The following ACSL3 variants were observed in gnomAD, a reference collection of about 807,000 sequenced individuals.
The protein encoded by ACSL3 is fatty acid CoA ligase Acsl3.
In ACSL3, 34 loss-of-function variants were observed where a neutral mutation model predicts 84.7. That is an observed-to-expected ratio of 0.40 (90% CI 0.31 to 0.53). ACSL3 has a LOEUF of 0.53. Among genes scored for constraint, ACSL3 ranks in the 20% least tolerant of loss-of-function variants. The pLI is 0.48. For synonymous variants in ACSL3, 315 were observed against 299.4 expected (o/e 1.05, Z -0.54); for missense variants, 680 against 873.1 (o/e 0.78, Z 2.79).
chr2:222,939,784 C>T (rs1356786493), intron 16 of ACSL3, among the ~76,000 whole-genome samples: 1 of 152,076 alleles, frequency 6.6e-6, no homozygotes, highest in Non-Finnish European at 1.5e-5. Context: ...AATAAATAGG[C>T]CCATATAGCA....
intron 2 of ACSL3, among the ~76,000 whole-genome samples, chr2:222,899,174 C>T (rs918910178): frequency 6.6e-6 from 1 of 152,068 alleles, no homozygotes; most frequent in Admixed American, 6.5e-5. Context: ...GATAGTTTAA[C>T]CTTTGGATAG....
In ACSL3 at chr2:222,943,113, A is replaced by G. The variant is rs1477867285; in HGVS notation, c.*1459A>G. 1.3e-5 allele frequency: 3 copies of G among 226,904 alleles called. No individual in the cohort carries two copies. Among genetic ancestry groups the G allele is most frequent in the African/African-American group, 2.2e-5 (1 of 44,974 alleles). The allele number at this position is 226,904 out of a possible 1,614,324, so 14.1% of individuals were successfully genotyped here. On this transcript the variant is annotated 3_prime_UTR_variant, in exon 17 of 17. Coordinates refer to ENST00000357430, the MANE Select transcript of ACSL3 (RefSeq NM_004457.5). Reference sequence around the variant, plus strand: ...AAAAAAAAAAAACAAAAACAAAAAAAAAGATGAACCTAGGTCTGTGTAAAG... The same window carrying G: ...AAAAAAAAAAAACAAAAACAAAAAAGAAGATGAACCTAGGTCTGTGTAAAG...
intron 1 of ACSL3, among the ~76,000 whole-genome samples, chr2:222,874,786 G>T (rs1229581552): frequency 6.6e-6 from 1 of 151,960 alleles, no homozygotes; most frequent in Non-Finnish European, 1.5e-5. Context: ...TCCTGCTGAA[G>T]GATTTGGAGA....
intron 12 of ACSL3, 73 bp downstream of exon 12, chr2:222,927,262 A>AAT: frequency 2.7e-6 from 4 of 1,505,368 alleles, no homozygotes; most frequent in African/African-American, 2.8e-5. Flanking sequence ...ATTTTCTGCA[A>AAT]ATATATAGGA....
rs143900821 is a variant in ACSL3 at position 222,907,552 on chromosome 2, G to A, written c.-40-1181G>A. 3.7e-3 allele frequency among the ~76,000 whole-genome samples: 566 copies of A among 152,184 alleles called. 7 individuals are homozygous for A. Among genetic ancestry groups the A allele is most frequent in the African/African-American group, 0.013 (538 of 41,520 alleles). ...CAGGTGGGAGAATTGCTTGAAGCCA[G>A]GAGTTTGAGACCAGCTGGGGCAGCA... On this transcript the variant is annotated intron_variant, in intron 3 of 16. Coordinates refer to ENST00000357430, the MANE Select transcript of ACSL3 (RefSeq NM_004457.5).
In ACSL3 at chr2:222,919,197, G is replaced by T. The variant is rs561778631; in HGVS notation, c.800G>T (p.Ser267Ile). The T allele has an allele frequency of 1.9e-6, 3 of 1,613,956 alleles. No individual in the cohort carries two copies. Among genetic ancestry groups the T allele is most frequent in the South Asian group, 2.2e-5 (2 of 91,062 alleles). The change falls in exon 7 of 17, where the codon AGC becomes ATC. Residue 267 changes from serine (S) to isoleucine (I), a missense_variant. Ser to Ile is a moderately radical substitution (Grantham distance 142). This residue lies in a region of ACSL3 where 333 missense variants were observed against 347.5 expected (regional missense o/e 0.96). Coordinates refer to ENST00000357430, the MANE Select transcript of ACSL3 (RefSeq NM_004457.5). Reference protein sequence around the residue: ...AAVEALGAKASMENQPHSKPL... With the variant: ...AAVEALGAKAIMENQPHSKPL... ...GTGGAGGCCCTGGGAGCCAAGGCCAGCATGGGTATGTTACACTTTTCTAAT... is the reference window on the plus strand; with the variant it reads ...GTGGAGGCCCTGGGAGCCAAGGCCATCATGGGTATGTTACACTTTTCTAAT...
chr2:222,941,868 T>C lies in ACSL3; in HGVS notation c.*214T>C. The C allele has an allele frequency of 2.1e-6, 1 of 483,528 alleles. No individual in the cohort carries two copies. 30.0% of individuals were successfully genotyped at this position (483,528 alleles called of 1,614,324 possible). A position where few individuals can be genotyped will look rare whatever the true frequency, so the allele number is the denominator to read the frequency against. On this transcript the variant is annotated 3_prime_UTR_variant, in exon 17 of 17. Coordinates refer to ENST00000357430, the MANE Select transcript of ACSL3 (RefSeq NM_004457.5). ...TTCATTTTCCCCGCCACCAACTTAC[T>C]TTACCACCTATGACTGTACTTGTCA... is the stretch of plus-strand genomic sequence containing the variant.
Position 222,909,046 on chromosome 2 carries a change from T to C in ACSL3, c.274T>C (p.Phe92Leu), listed in dbSNP as rs1454804929. The change falls in exon 4 of 17, where the codon TTT (phenylalanine) becomes CTT (leucine). Residue 92 changes from phenylalanine (F) to leucine (L), a missense_variant. Physicochemically the swap from Phe to Leu is conservative, Grantham distance 22. Coordinates refer to ENST00000357430, the MANE Select transcript of ACSL3 (RefSeq NM_004457.5). Reference protein sequence around the residue: ...YPGCDTLDKVFTYAKNKFKNK... With the variant: ...YPGCDTLDKVLTYAKNKFKNK... The stretch of plus-strand genomic sequence containing the variant: ...TGGATGTGATACTTTAGATAAAGTT[T>C]TTACATATGCAAAAAACAAATTTAA... The C allele has an allele frequency of 7.4e-6, 12 of 1,612,980 alleles. No homozygotes were observed. Among genetic ancestry groups the C allele is most frequent in the African/African-American group, 1.3e-5 (1 of 74,854 alleles).
chr2:222,912,945 A>G (rs538924180), intron 4 of ACSL3, among the ~76,000 whole-genome samples: 21 of 152,244 alleles, frequency 1.4e-4, no homozygotes, highest in Non-Finnish European at 3.1e-4. Flanking sequence ...CAGTAAATGC[A>G]TTGCACTAAC....
chr2:222,928,790 T>G (rs1408455124), intron 12 of ACSL3, 72 bp from the exon 13 acceptor site: 3 of 1,233,656 alleles, frequency 2.4e-6, no homozygotes, highest in African/African-American at 1.5e-5. Flanking sequence ...TAATCATTTT[T>G]GGTAATTTAG....
chr2:222,923,388 C>T (rs1380039188), intron 10 of ACSL3, among the ~76,000 whole-genome samples: 1 of 152,164 alleles, frequency 6.6e-6, no homozygotes, highest in Non-Finnish European at 1.5e-5. Context: ...ACTTGTTTGC[C>T]TAAATACCTT....
At chr2:222,927,773 G>A (rs773522067) in intron 12 of ACSL3, among the ~76,000 whole-genome samples, 7 of 152,172 alleles carry the variant, frequency 4.6e-5, no homozygotes, top group Non-Finnish European at 7.3e-5. Context: ...TCCGGTACAG[G>A]ATACAGCTGT....
intron 10 of ACSL3, 135 bp downstream of exon 10, chr2:222,923,284 C>A: frequency 1.4e-6 from 1 of 717,730 alleles, no homozygotes; most frequent in Non-Finnish European, 2.3e-6. Context: ...TAAATATTGC[C>A]TTAGGCGCTA....
chr2:222,925,329 G>A (rs1696849939), intron 11 of ACSL3, among the ~76,000 whole-genome samples: 1 of 140,342 alleles, frequency 7.1e-6, no homozygotes, highest in African/African-American at 2.7e-5. Flanking sequence ...GACAGAGTGC[G>A]AGACTCTTGT....
chr2:222,888,052 A>G (rs890470366), intron 2 of ACSL3, among the ~76,000 whole-genome samples, 164 bp downstream of exon 2: 11 of 152,216 alleles, frequency 7.2e-5, no homozygotes, highest in African/African-American at 2.2e-4. Flanking sequence ...GTATAAATCA[A>G]TTGGGACATT....
At chr2:222,871,671 A>G (rs912578057) in intron 1 of ACSL3, among the ~76,000 whole-genome samples, 1 of 152,140 alleles carries the variant, frequency 6.6e-6, no homozygotes, top group Non-Finnish European at 1.5e-5. Flanking sequence ...GTCCTCCAGG[A>G]AGGACATGGT....
chr2:222,933,303 A>G (rs1697079734), intron 15 of ACSL3, 23 bp downstream of exon 15: 3 of 1,514,688 alleles, frequency 2.0e-6, no homozygotes, highest in Non-Finnish European at 2.7e-6. Flanking sequence ...AATTCATACT[A>G]CTTTTACTTA....
At chr2:222,874,180 A>C (rs1040799674) in intron 1 of ACSL3, among the ~76,000 whole-genome samples, 12 of 151,872 alleles carry the variant, frequency 7.9e-5, no homozygotes, top group African/African-American at 2.9e-4. Flanking sequence ...GCACCACCAC[A>C]CCCGGCTCAT....
In ACSL3 at chr2:222,941,696, C is replaced by T; in HGVS notation, c.*42C>T. On this transcript the variant is annotated 3_prime_UTR_variant, in exon 17 of 17. Transcript: ENST00000357430. ...TCAGTTTGCTACAGTGAGCTCAGAT[C>T]AAATAGGAAAATACTTGAAATGCAT... 6.4e-7 allele frequency: 1 copy of T among 1,559,950 alleles called. No homozygotes were observed. Among genetic ancestry groups the T allele is most frequent in the South Asian group, 1.2e-5 (1 of 84,670 alleles).
Sources: gnomAD v4.1 joint callset for allele counts (sites outside exome capture counted in the v4.1 genomes callset) on GRCh38, gnomAD v4.1.1 for gene constraint, gnomAD v4.1.1 regional missense constraint, MANE v1.5 for transcripts, NCBI Gene and HGNC (gene_info 2026-07-23, HGNC 2026-07-21) for gene names.